Variants in NKAIN3 observed in about 807,000 individuals in gnomAD.
The protein encoded by NKAIN3 is sodium/potassium-transporting ATPase subunit beta-1-interacting protein 3.
A neutral mutation model predicts 30.2 loss-of-function variants in NKAIN3; 25 were observed. The observed-to-expected ratio is 0.83, with a 90% CI of 0.60 to 1.16. The LOEUF is 1.16. Ranked by LOEUF, NKAIN3 falls within the 50% of genes most tolerant of loss-of-function variation. NKAIN3 has a pLI of 0.00. For missense variants in NKAIN3, 225 were observed against 254.1 expected (o/e 0.89, Z 0.78); for synonymous variants, 91 against 89.6 (o/e 1.02, Z -0.09).
chr8:62,656,015 C>A (rs1812752459), intron 3 of NKAIN3, among the ~76,000 whole-genome samples: 1 of 152,024 alleles, frequency 6.6e-6, no homozygotes, highest in Non-Finnish European at 1.5e-5. Context: ...TCATCTCTGG[C>A]CAAACCTCAT....
chr8:62,832,264 C>G (rs1212220566), intron 4 of NKAIN3, among the ~76,000 whole-genome samples: 2 of 82,692 alleles, frequency 2.4e-5, no homozygotes, highest in South Asian at 7.7e-4. Flanking sequence ...AACAGACACA[C>G]ACACACACAC....
chr8:62,735,322 G>A (rs1003415565), intron 3 of NKAIN3, among the ~76,000 whole-genome samples: 14 of 149,044 alleles, frequency 9.4e-5, no homozygotes, highest in East Asian at 1.9e-4. Flanking sequence ...CTTTGTCTTC[G>A]CTGGATTGGG....
At chr8:62,959,783 G>T (rs577527319) in intron 6 of NKAIN3, among the ~76,000 whole-genome samples, 1 of 152,118 alleles carries the variant, frequency 6.6e-6, no homozygotes, top group Non-Finnish European at 1.5e-5. Context: ...GTTCCCTGAG[G>T]CTTACCATCA....
intron 1 of NKAIN3, among the ~76,000 whole-genome samples, chr8:62,324,345 G>A (rs745514997): frequency 6.6e-6 from 1 of 151,996 alleles, no homozygotes; most frequent in Non-Finnish European, 1.5e-5. Flanking sequence ...TCCCTAAATA[G>A]AAACTTTTTA....
At position 62,918,438 on chromosome 8, in the gene NKAIN3, T is replaced by G. The variant is rs1343136959; in HGVS notation, c.472-15T>G. Reference sequence around the variant, plus strand: ...GGCATAGATTCTTAAGGTACACATTTTTTCCCTTTTGCAGTTGGTGGGTTT... The same window carrying G: ...GGCATAGATTCTTAAGGTACACATTGTTTCCCTTTTGCAGTTGGTGGGTTT... On this transcript the variant is annotated splice_polypyrimidine_tract_variant and intron_variant, in intron 4 of 6. Coordinates refer to ENST00000623646, the MANE Select transcript of NKAIN3 (RefSeq NM_001304533.3). 6.2e-7 allele frequency: 1 copy of G among 1,602,992 alleles called. No homozygotes were observed. The highest frequency in any genetic ancestry group is 2.2e-5 in the East Asian group (1 of 44,764).
chr8:62,938,379 C>T (rs1822852365), intron 5 of NKAIN3, among the ~76,000 whole-genome samples: 1 of 152,130 alleles, frequency 6.6e-6, no homozygotes, highest in Non-Finnish European at 1.5e-5. Flanking sequence ...CTGTAACATC[C>T]TGGCTAACCA....
At chr8:62,656,547 T>C (rs897247196) in intron 3 of NKAIN3, among the ~76,000 whole-genome samples, 1 of 152,160 alleles carries the variant, frequency 6.6e-6, no homozygotes, top group Non-Finnish European at 1.5e-5. Flanking sequence ...TGGAGTTCTG[T>C]GGCTTAGGCC....
intron 3 of NKAIN3, among the ~76,000 whole-genome samples, chr8:62,721,810 G>A (rs1251574025): frequency 6.6e-6 from 1 of 152,148 alleles, no homozygotes; most frequent in Non-Finnish European, 1.5e-5. Flanking sequence ...AGGTGAAATA[G>A]GGCAGAACAT....
At chr8:62,434,766 A>G (rs996555456) in intron 1 of NKAIN3, among the ~76,000 whole-genome samples, 11 of 152,198 alleles carry the variant, frequency 7.2e-5, no homozygotes, top group Non-Finnish European at 1.5e-4. Context: ...AAATGGTTTC[A>G]TAATAATTAA....
chr8:62,764,454 A>C (rs940690748), intron 4 of NKAIN3, among the ~76,000 whole-genome samples: 7 of 147,608 alleles, frequency 4.7e-5, no homozygotes. Flanking sequence ...CATAGAATAA[A>C]AGGTAATATA....
At chr8:62,857,789 C>T (rs890839803) in intron 4 of NKAIN3, among the ~76,000 whole-genome samples, 2 of 152,120 alleles carry the variant, frequency 1.3e-5, no homozygotes, top group African/African-American at 4.8e-5. Context: ...AAACATATTC[C>T]TTTAGCTCAG....
chr8:62,400,424 G>A (rs149992220), intron 1 of NKAIN3, among the ~76,000 whole-genome samples: 72 of 152,074 alleles, frequency 4.7e-4, no homozygotes, highest in African/African-American at 1.5e-3. Flanking sequence ...CACCTGCCTC[G>A]GCCTCCCAGA....
chr8:62,256,718 G>A (rs1223872658), intron 1 of NKAIN3, among the ~76,000 whole-genome samples: 1 of 152,178 alleles, frequency 6.6e-6, no homozygotes, highest in African/African-American at 2.4e-5. Context: ...AGCCCCAGGA[G>A]GAAGTGGGTG....
chr8:62,718,375 G>A (rs530019057), intron 3 of NKAIN3, among the ~76,000 whole-genome samples: 1 of 152,168 alleles, frequency 6.6e-6, no homozygotes, highest in African/African-American at 2.4e-5. Flanking sequence ...CCAGTACTTT[G>A]TTTCCAGAAT....
intron 4 of NKAIN3, among the ~76,000 whole-genome samples, chr8:62,909,041 C>T (rs530949487): frequency 6.6e-6 from 1 of 152,244 alleles, no homozygotes; most frequent in Non-Finnish European, 1.5e-5. Context: ...TTTCACATAA[C>T]AGTGGTCACT....
intron 3 of NKAIN3, among the ~76,000 whole-genome samples, chr8:62,602,006 T>C (rs1367487995): frequency 6.6e-6 from 1 of 152,054 alleles, no homozygotes; most frequent in Non-Finnish European, 1.5e-5. Context: ...AGTCTTATAT[T>C]TTTCATAAAT....
rs1306070888 is a variant in NKAIN3 at position 62,676,740 on chromosome 8, G to T, written c.274-70192G>T. Among the ~76,000 whole-genome samples the T allele has an allele frequency of 2.3e-4, 34 of 149,292 alleles. 3 individuals carry two copies. Among genetic ancestry groups the T allele is most frequent in the Admixed American group, 2.1e-3 (31 of 15,086 alleles). On this transcript the variant is annotated intron_variant, in intron 3 of 6. Transcript: ENST00000623646. ...TTTTTTTTTTTTTTTTTGAGAAAGGGTCTTGCTCTGTCACCCAGGCTTGCA... is the reference window on the plus strand; with the variant it reads ...TTTTTTTTTTTTTTTTTGAGAAAGGTTCTTGCTCTGTCACCCAGGCTTGCA...
At chr8:62,699,648 C>T (rs1177319678) in intron 3 of NKAIN3, among the ~76,000 whole-genome samples, 1 of 152,198 alleles carries the variant, frequency 6.6e-6, no homozygotes, top group South Asian at 2.1e-4. Flanking sequence ...TTGTCCTATC[C>T]TTTGGTGTTG....
chr8:62,303,589 G>A (rs1363384113), intron 1 of NKAIN3, among the ~76,000 whole-genome samples: 1 of 150,456 alleles, frequency 6.6e-6, no homozygotes, highest in Non-Finnish European at 1.5e-5. Context: ...TCAAAGAATA[G>A]CATTGACAGA....
Sources: gnomAD v4.1 joint callset for allele counts (sites outside exome capture counted in the v4.1 genomes callset) on GRCh38, gnomAD v4.1.1 for gene constraint, MANE v1.5 for transcripts, NCBI Gene and HGNC (gene_info 2026-07-23, HGNC 2026-07-21) for gene names.